The following TTLL6 variants were observed in gnomAD, a reference collection of about 807,000 sequenced individuals.
TTLL6 encodes tubulin polyglutamylase TTLL6.
A neutral mutation model predicts 96.4 loss-of-function variants in TTLL6; 75 were observed. That is an observed-to-expected ratio of 0.78 (90% confidence interval 0.65 to 0.94). The LOEUF (loss-of-function observed/expected upper bound fraction) is 0.94. TTLL6 is among the 40% of genes least tolerant of loss of function. The probability of loss-of-function intolerance (pLI) is 0.00; values close to 1 mark genes in which losing one functional copy is unlikely to be tolerated. For missense variants in TTLL6, 1,030 were observed against 1,093.0 expected, an observed-to-expected ratio of 0.94 and a Z score of 0.81; for synonymous variants, 411 against 419.4, an observed-to-expected ratio of 0.98 and a Z score of 0.24.
rs145832180 is a variant in TTLL6 at position 48,770,510 on chromosome 17, G to GTTATTATTATTATTATTATTATTATTA, written c.2041-414_2041-413insTAATAATAATAATAATAATAATAATAA. The stretch of plus-strand genomic sequence containing the variant: ...AACAATAGGTATTATTATTGTTGTT[G>GTTATTATTATTATTATTATTATTATTA]TTATTATTATTATTATTATTATTTG... On this transcript the variant is annotated intron_variant, in intron 13 of 15. Coordinates refer to ENST00000393382, the MANE Select transcript of TTLL6 (RefSeq NM_001130918.3). 7.2e-3 allele frequency among the ~76,000 whole-genome samples: 1,060 copies of GTTATTATTATTATTATTATTATTATTA among 147,842 alleles called. 10 individuals carry two copies. Among genetic ancestry groups the GTTATTATTATTATTATTATTATTATTA allele is most frequent in the Non-Finnish European group, 0.011 (715 of 67,132 alleles).
intron 1 of TTLL6, among the ~76,000 whole-genome samples, chr17:48,805,619 G>C (rs567065559): frequency 3.3e-4 from 50 of 152,104 alleles, no homozygotes; most frequent in African/African-American, 1.2e-3. Flanking sequence ...TACATGTAAG[G>C]AAGTCCAGTA....
chr17:48,764,241 G>A (rs1385356538), intron 15 of TTLL6, among the ~76,000 whole-genome samples: 2 of 152,200 alleles, frequency 1.3e-5, no homozygotes, highest in Non-Finnish European at 2.9e-5. Context: ...GTGAAAGTGG[G>A]TCCAGAGGAA....
chr17:48,808,169 A>T (rs2039532283), intron 1 of TTLL6, among the ~76,000 whole-genome samples: 1 of 152,164 alleles, frequency 6.6e-6, no homozygotes, highest in Non-Finnish European at 1.5e-5. Context: ...TATGTATTCC[A>T]TTGAAAGAAT....
intron 15 of TTLL6, among the ~76,000 whole-genome samples, chr17:48,765,399 A>T (rs943541249): frequency 6.6e-6 from 1 of 152,200 alleles, no homozygotes; most frequent in Non-Finnish European, 1.5e-5. Context: ...ACAACAGAAC[A>T]AGACTGTCTC....
At chr17:48,778,085 T>C (rs1171481303) in intron 13 of TTLL6, among the ~76,000 whole-genome samples, 1 of 151,924 alleles carries the variant, frequency 6.6e-6, no homozygotes, top group Non-Finnish European at 1.5e-5. Context: ...AAGACCAGCC[T>C]GACCAACATG....
At chr17:48,803,834 C>T (rs1257024518) in intron 3 of TTLL6, 57 bp downstream of exon 3, 4 of 1,530,454 alleles carry the variant, frequency 2.6e-6, no homozygotes, top group African/African-American at 2.8e-5. Context: ...CTCTTCCCAA[C>T]CCTTTGGGAG....
intron 3 of TTLL6, among the ~76,000 whole-genome samples, 157 bp downstream of exon 3, chr17:48,803,734 C>T (rs185052607): frequency 1.3e-5 from 2 of 152,298 alleles, no homozygotes; most frequent in Admixed American, 6.5e-5. Flanking sequence ...GATTCCCAAC[C>T]TCTTTAATTA....
chr17:48,788,017 A>G lies in TTLL6; in HGVS notation c.1401-18T>C, dbSNP rs749616167. On this transcript the variant is annotated intron_variant, in intron 10 of 15. Coordinates refer to ENST00000393382, the MANE Select transcript of TTLL6 (RefSeq NM_001130918.3). Reference sequence around the variant, plus strand: ...CCTCAATCCTGTTGGGAAGCAGAACATGGGGCTGCTGTCAGGTTTTCTTGG... The same window carrying G: ...CCTCAATCCTGTTGGGAAGCAGAACGTGGGGCTGCTGTCAGGTTTTCTTGG... 22 of 1,608,274 alleles carry G rather than the reference A, an allele frequency of 1.4e-5. No homozygotes were observed. The highest frequency in any genetic ancestry group is 1.7e-4 in the Middle Eastern group (1 of 6,030).
At chr17:48,765,782 C>A in intron 15 of TTLL6, 1 of 152,932 alleles carries the variant, frequency 6.5e-6, no homozygotes, top group South Asian at 1.9e-4. Context: ...CTCCTGGACT[C>A]AAGCAATCCT....
intron 8 of TTLL6, among the ~76,000 whole-genome samples, chr17:48,793,710 A>G (rs2143391629): frequency 6.6e-6 from 1 of 152,284 alleles, no homozygotes; most frequent in South Asian, 2.1e-4. Flanking sequence ...TTTCAATCCC[A>G]GCTTCCTAGC....
intron 9 of TTLL6, among the ~76,000 whole-genome samples, chr17:48,790,882 C>T (rs2039204481): frequency 6.6e-6 from 1 of 152,178 alleles, no homozygotes; most frequent in Non-Finnish European, 1.5e-5. Context: ...TTCTCCTCCT[C>T]CTCACACTGC....
intron 13 of TTLL6, among the ~76,000 whole-genome samples, chr17:48,773,393 T>C (rs2038790797): frequency 6.6e-6 from 1 of 152,238 alleles, no homozygotes; most frequent in Non-Finnish European, 1.5e-5. Context: ...CTCTGGTTTC[T>C]CTTTAGATGG....
intron 13 of TTLL6, among the ~76,000 whole-genome samples, chr17:48,780,120 A>AT (rs1454416568): frequency 6.6e-6 from 1 of 152,116 alleles, no homozygotes; most frequent in African/African-American, 2.4e-5. Flanking sequence ...TGAGATATAT[A>AT]ATCAAATCAT....
At chr17:48,814,476 G>A (rs942401316) in intron 1 of TTLL6, among the ~76,000 whole-genome samples, 12 of 152,280 alleles carry the variant, frequency 7.9e-5, no homozygotes, top group African/African-American at 2.4e-4. Context: ...GTAGGATATA[G>A]TTAAGACACT....
chr17:48,816,927 G>A (rs757485833), intron 1 of TTLL6, 43 bp downstream of exon 1: 105 of 1,418,264 alleles, frequency 7.4e-5, no homozygotes, highest in Non-Finnish European at 9.7e-5. Flanking sequence ...GGCACCAGGA[G>A]GCTGCGGTCT....
At chr17:48,809,326 C>G (rs1326040458) in intron 1 of TTLL6, among the ~76,000 whole-genome samples, 1 of 152,140 alleles carries the variant, frequency 6.6e-6, no homozygotes, top group African/African-American at 2.4e-5. Flanking sequence ...GAAATCTTGA[C>G]CTTGGACTAC....
At chr17:48,811,932 C>G (rs1414067350) in intron 1 of TTLL6, among the ~76,000 whole-genome samples, 1 of 152,118 alleles carries the variant, frequency 6.6e-6, no homozygotes, top group Non-Finnish European at 1.5e-5. Flanking sequence ...AATTCCTGAA[C>G]TCAGGTGATC....
intron 1 of TTLL6, among the ~76,000 whole-genome samples, chr17:48,816,240 C>T (rs904153100): frequency 2.0e-5 from 3 of 152,028 alleles, no homozygotes; most frequent in African/African-American, 2.4e-5. Context: ...CTCAGGAGTT[C>T]GAGACCAGCC....
At chr17:48,785,282 G>A in intron 12 of TTLL6, 81 bp from the exon 13 acceptor site, 3 of 1,579,996 alleles carry the variant, frequency 1.9e-6, no homozygotes, top group East Asian at 2.2e-5. Context: ...CCCAGGGGTA[G>A]GTGAAAAAGA....
Sources: gnomAD v4.1 joint callset for allele counts (sites outside exome capture counted in the v4.1 genomes callset) on GRCh38, gnomAD v4.1.1 for gene constraint, MANE v1.5 for transcripts, NCBI Gene and HGNC (gene_info 2026-07-23, HGNC 2026-07-21) for gene names.